ADCY5: variants seen among roughly 807,000 people sequenced by gnomAD.
ADCY5 encodes the protein adenylate cyclase 5, also known as adenylate cyclase type 5.
A neutral mutation model predicts 119.7 loss-of-function variants in ADCY5; 30 were observed. The observed-to-expected ratio is 0.25, with a 90% CI of 0.19 to 0.34. ADCY5 has a LOEUF of 0.34. ADCY5 is among the 10% of genes least tolerant of loss of function. The pLI is 1.00. For synonymous variants in ADCY5, 753 were observed against 762.2 expected (o/e 0.99, Z 0.20); for missense variants, 1,324 against 1,775.2 (o/e 0.75, Z 4.57).
At chr3:123,446,330 T>C (rs1039010174) in intron 1 of ADCY5, among the ~76,000 whole-genome samples, 1 of 152,090 alleles carries the variant, frequency 6.6e-6, no homozygotes, top group Non-Finnish European at 1.5e-5. Context: ...GGAAAACCCT[T>C]AAGAGGTTCT....
At chr3:123,406,390 G>A (rs1403388749) in intron 1 of ADCY5, among the ~76,000 whole-genome samples, 1 of 152,228 alleles carries the variant, frequency 6.6e-6, no homozygotes, top group East Asian at 1.9e-4. Flanking sequence ...CCTCTTGGGA[G>A]CCATGAGTAA....
chr3:123,425,338 C>T (rs1945384403), intron 1 of ADCY5, among the ~76,000 whole-genome samples: 1 of 152,204 alleles, frequency 6.6e-6, no homozygotes, highest in Non-Finnish European at 1.5e-5. Context: ...CAACAGCCCT[C>T]GCCAGATCCC....
chr3:123,338,849 G>C (rs1171089171), intron 3 of ADCY5, among the ~76,000 whole-genome samples: 1 of 152,154 alleles, frequency 6.6e-6, no homozygotes, highest in Non-Finnish European at 1.5e-5. Flanking sequence ...GTTCCATCTT[G>C]CTGCCAACAG....
chr3:123,397,280 G>A (rs1297907238), intron 1 of ADCY5, among the ~76,000 whole-genome samples: 1 of 152,124 alleles, frequency 6.6e-6, no homozygotes, highest in African/African-American at 2.4e-5. Flanking sequence ...CTTCAAGCAG[G>A]AGTCCTGCCT....
chr3:123,317,949 G>T lies in ADCY5; in HGVS notation c.2354+71C>A. 2.1e-6 allele frequency: 3 copies of T among 1,411,704 alleles called. No homozygotes were observed. The South Asian group carries it at 3.5e-5, about 16-fold the overall frequency. The allele number at this position is 1,411,704 out of a possible 1,614,324, so 87.4% of individuals were successfully genotyped here. A position where few individuals can be genotyped will look rare whatever the true frequency, so the allele number is the denominator to read the frequency against. On this transcript the variant is annotated intron_variant, in intron 11 of 20. Transcript: ENST00000462833. ...GACTCCCTGCTCTGTTCTCCTAAAT[G>T]ACCACCCCCTCCCACTCCTGGGATT...
chr3:123,380,125 C>A (rs1026935602), intron 1 of ADCY5, among the ~76,000 whole-genome samples: 2 of 152,206 alleles, frequency 1.3e-5, no homozygotes, highest in Non-Finnish European at 2.9e-5. Flanking sequence ...CCTCCCCAGT[C>A]TTCTCAGAAA....
intron 20 of ADCY5, among the ~76,000 whole-genome samples, chr3:123,285,575 C>T (rs952667466): frequency 2.6e-5 from 4 of 152,166 alleles, no homozygotes; most frequent in African/African-American, 4.8e-5. Flanking sequence ...AGGCAGCAGG[C>T]GGTAGGAGTG....
At chr3:123,288,389 G>A (rs534630159) in intron 19 of ADCY5, among the ~76,000 whole-genome samples, 46 of 152,352 alleles carry the variant, frequency 3.0e-4, no homozygotes, top group African/African-American at 9.9e-4. Context: ...CCAGGGAGTT[G>A]ATAATGCATT....
At chr3:123,404,954 T>A (rs527633369) in intron 1 of ADCY5, among the ~76,000 whole-genome samples, 2 of 152,336 alleles carry the variant, frequency 1.3e-5, no homozygotes, top group East Asian at 3.9e-4. Flanking sequence ...CTGATCAGTG[T>A]GTTTATCTTG....
intron 3 of ADCY5, among the ~76,000 whole-genome samples, chr3:123,333,399 A>T (rs1043687710): frequency 7.9e-5 from 12 of 152,308 alleles, no homozygotes; most frequent in African/African-American, 2.6e-4. Context: ...TCCATGAGGG[A>T]GGAGAGGCAG....
chr3:123,416,338 T>A, intron 1 of ADCY5: 1 of 1,530,898 alleles, frequency 6.5e-7, no homozygotes, highest in South Asian at 1.2e-5. Flanking sequence ...CCTAGGACAT[T>A]TATAGCCAGA....
At chr3:123,369,959 T>C (rs1265774714) in intron 1 of ADCY5, among the ~76,000 whole-genome samples, 2 of 152,088 alleles carry the variant, frequency 1.3e-5, no homozygotes, top group African/African-American at 2.4e-5. Context: ...GTAGGAAGGG[T>C]GACCAGAATT....
chr3:123,378,159 T>C lies in ADCY5; in HGVS notation c.1135-25578A>G, dbSNP rs538589641. Among the ~76,000 whole-genome samples the C allele has an allele frequency of 3.3e-3, 496 of 152,238 alleles. 1 individual carries two copies. Among genetic ancestry groups the C allele is most frequent in the African/African-American group, 0.011 (466 of 41,562 alleles). ...AAACCGTTCCTCTCCACCATCCTGATAATCAGCACCCACGTGGTCACTCAA... is the reference window on the plus strand; with the variant it reads ...AAACCGTTCCTCTCCACCATCCTGACAATCAGCACCCACGTGGTCACTCAA... On this transcript the variant is annotated intron_variant, in intron 1 of 20. Coordinates refer to ENST00000462833, the MANE Select transcript of ADCY5 (RefSeq NM_183357.3).
intron 1 of ADCY5, among the ~76,000 whole-genome samples, chr3:123,373,770 C>T (rs975255523): frequency 8.0e-5 from 2 of 24,934 alleles, no homozygotes; most frequent in African/African-American, 2.2e-4. Context: ...CCCCCCCCCC[C>T]CGACCCCCCC....
At chr3:123,317,331 AT>A (rs11427256) in intron 11 of ADCY5, among the ~76,000 whole-genome samples, 5,172 of 146,848 alleles carry the variant, frequency 0.035, 120 homozygotes, top group African/African-American at 0.062. Flanking sequence ...TCTTTTGAAG[AT>A]TTTTTTTTTT....
chr3:123,415,710 T>G (rs1367414723), intron 1 of ADCY5, among the ~76,000 whole-genome samples: 1 of 152,102 alleles, frequency 6.6e-6, no homozygotes, highest in African/African-American at 2.4e-5. Flanking sequence ...ACTACATTGT[T>G]TTTCTTTTTA....
chr3:123,346,615 CT>C (rs1403045185), intron 3 of ADCY5, among the ~76,000 whole-genome samples: 1 of 57,090 alleles, frequency 1.8e-5, no homozygotes, highest in African/African-American at 4.7e-5. Context: ...CCTTCTCTCT[CT>C]CTCTCTCTCT....
In ADCY5 at chr3:123,448,590, G is replaced by A; in HGVS notation, c.-45C>T. ...TCTCCTTCCTCCTCCCCCGGAAGCC[G>A]GGCCGGGGGTCTCCAAGGGGAGGGC... On this transcript the variant is annotated 5_prime_UTR_variant, in exon 1 of 21. Transcript: ENST00000462833. The A allele has an allele frequency of 7.9e-7, 1 of 1,266,352 alleles. No homozygotes were observed. Among genetic ancestry groups the A allele is most frequent in the Non-Finnish European group, 9.9e-7 (1 of 1,008,092 alleles). 78.4% of individuals were successfully genotyped at this position (1,266,352 alleles called of 1,614,324 possible). A position where few individuals can be genotyped will look rare whatever the true frequency, so the allele number is the denominator to read the frequency against.
intron 1 of ADCY5, among the ~76,000 whole-genome samples, chr3:123,356,063 C>T (rs1451385524): frequency 1.3e-5 from 2 of 152,116 alleles, no homozygotes; most frequent in Non-Finnish European, 2.9e-5. Flanking sequence ...GCAGTCTTTT[C>T]AACAAGTAAT....
Sources: gnomAD v4.1 joint callset for allele counts (sites outside exome capture counted in the v4.1 genomes callset) on GRCh38, gnomAD v4.1.1 for gene constraint, MANE v1.5 for transcripts, NCBI Gene and HGNC (gene_info 2026-07-23, HGNC 2026-07-21) for gene names.